Variants in TRA2B observed in about 807,000 individuals in gnomAD.
TRA2B encodes the protein transformer-2 protein homolog beta.
TRA2B carries 14 observed loss-of-function variants against 41.7 expected under a neutral mutation model. That is an observed-to-expected ratio of 0.34 (90% CI 0.22 to 0.53). The LOEUF is 0.53. TRA2B is among the 20% of genes least tolerant of loss of function. TRA2B has a pLI of 0.95. For synonymous variants in TRA2B, 130 were observed against 128.8 expected (o/e 1.01, Z -0.06); for missense variants, 167 against 396.8 (o/e 0.42, Z 4.92).
chr3:185,933,241 T>C (rs1744216680), intron 1 of TRA2B, among the ~76,000 whole-genome samples: 2 of 152,294 alleles, frequency 1.3e-5, no homozygotes, highest in Middle Eastern at 3.4e-3. Context: ...CTGTTTTCAA[T>C]GTGGATACCT....
intron 8 of TRA2B, among the ~76,000 whole-genome samples, chr3:185,917,998 G>T (rs1442623020): frequency 6.6e-6 from 1 of 152,110 alleles, no homozygotes; most frequent in Non-Finnish European, 1.5e-5. Context: ...AATTTTTAAG[G>T]ACTCTTGAAA....
chr3:185,918,699 A>G lies in TRA2B; in HGVS notation c.783-261T>C, dbSNP rs183453662. Among the ~76,000 whole-genome samples, 11 of 152,300 alleles carry G rather than the reference A, an allele frequency of 7.2e-5. No homozygotes were observed. The East Asian group carries it at 2.1e-3, about 29-fold the overall frequency. ...CTTTTTAAATTTTGTGAACTATGTT[A>G]AGAGAGTTTTGTAAAAGAAAATTCC... is the stretch of plus-strand genomic sequence containing the variant. On this transcript the variant is annotated intron_variant, in intron 7 of 8. Coordinates refer to ENST00000453386, the MANE Select transcript of TRA2B (RefSeq NM_004593.3).
intron 4 of TRA2B, 46 bp downstream of exon 4, chr3:185,923,750 T>C: frequency 6.6e-7 from 1 of 1,518,014 alleles, no homozygotes; most frequent in South Asian, 1.4e-5. Flanking sequence ...TAACTTGGCG[T>C]TAACAATAGA....
intron 3 of TRA2B, chr3:185,925,229 T>G (rs1743899718): frequency 2.5e-6 from 1 of 395,944 alleles, no homozygotes; most frequent in Non-Finnish European, 4.5e-6. Context: ...TTTTTTTTTT[T>G]GATGGGCTAA....
chr3:185,926,745 A>G lies in TRA2B; in HGVS notation c.37-11T>C. On this transcript the variant is annotated splice_polypyrimidine_tract_variant and intron_variant, in intron 1 of 8. Coordinates refer to ENST00000453386, the MANE Select transcript of TRA2B (RefSeq NM_004593.3). ...AGCAGAACGGGATTCCTACACGTAG[A>G]TGTTAAAAGTTTAATTTGCACACTT... 6.2e-7 allele frequency: 1 copy of G among 1,613,712 alleles called. No individual in the cohort carries two copies. The highest frequency in any genetic ancestry group is 8.5e-7 in the Non-Finnish European group (1 of 1,179,780).
At chr3:185,924,259 A>C (rs997450463) in intron 3 of TRA2B, 1 of 282,702 alleles carries the variant, frequency 3.5e-6, no homozygotes, top group African/African-American at 2.2e-5. Flanking sequence ...CTTTCCTTCT[A>C]TGAATTTATT....
At chr3:185,932,539 T>G (rs190779080) in intron 1 of TRA2B, among the ~76,000 whole-genome samples, 6 of 152,298 alleles carry the variant, frequency 3.9e-5, no homozygotes, top group Non-Finnish European at 8.8e-5. Flanking sequence ...CAGAACAAAC[T>G]TGAATCCAAC....
chr3:185,934,698 T>G (rs527545531), intron 1 of TRA2B: 3 of 985,310 alleles, frequency 3.0e-6, no homozygotes, highest in Non-Finnish European at 3.6e-6. Context: ...AATTAGAATT[T>G]AGAGTTTAGG....
chr3:185,925,715 G>T, intron 2 of TRA2B, 89 bp from the exon 3 acceptor site: 1 of 1,340,518 alleles, frequency 7.5e-7, no homozygotes, highest in Non-Finnish European at 1.0e-6. Flanking sequence ...CCAAAAGAGG[G>T]AACAATCCAG....
chr3:185,917,807 T>TTC, intron 8 of TRA2B, 82 bp from the exon 9 acceptor site: 1 of 1,478,602 alleles, frequency 6.8e-7, no homozygotes, highest in Non-Finnish European at 9.4e-7. Flanking sequence ...TTTCAGAATA[T>TTC]TCTGCCATTA....
chr3:185,921,106 G>A lies in TRA2B; in HGVS notation c.720C>T (p.Tyr240=). The part of the protein sequence containing the change: ...YDDRDYYSRS[Y]RGGGGGGGGW... Reference sequence around the variant, plus strand: ...GACCTTTCTACCTCATAACTTACCTGTATGATCTGCTATAGTAGTCCCGAT... The same window carrying A: ...GACCTTTCTACCTCATAACTTACCTATATGATCTGCTATAGTAGTCCCGAT... Residue 240 remains tyrosine, a splice_region_variant and synonymous_variant, in exon 6 of 9, where the codon TAC becomes TAT. Transcript: ENST00000453386. The A allele has an allele frequency of 1.2e-6, 2 of 1,613,552 alleles. No individual in the cohort carries two copies. Among genetic ancestry groups the A allele is most frequent in the Non-Finnish European group, 1.7e-6 (2 of 1,179,622 alleles).
chr3:185,935,016 A>T, intron 1 of TRA2B: 5 of 985,470 alleles, frequency 5.1e-6, no homozygotes, highest in Non-Finnish European at 6.0e-6. Context: ...TGAGAGGCTC[A>T]GAACATTACA....
intron 4 of TRA2B, chr3:185,922,822 T>G (rs1743792142): frequency 6.6e-6 from 1 of 152,244 alleles, no homozygotes; most frequent in Non-Finnish European, 1.5e-5. Context: ...TGAGGAAACA[T>G]CCTTTCACCT....
chr3:185,937,512 A>G lies in TRA2B; in HGVS notation c.36+313T>C, dbSNP rs531393255. On this transcript the variant is annotated intron_variant, in intron 1 of 8. Transcript: ENST00000453386. ...CAGGAGAGCAACGCCGAAATAAGAT[A>G]TCGCTCCCCTCCCCCAACACCGCGG... 9.6e-6 allele frequency: 10 copies of G among 1,038,740 alleles called. No individual in the cohort carries two copies. In the South Asian group the frequency reaches 2.9e-4, roughly 30 times the overall value. 64.3% of individuals were successfully genotyped at this position (1,038,740 alleles called of 1,614,324 possible). A position where few individuals can be genotyped will look rare whatever the true frequency, so the allele number is the denominator to read the frequency against.
intron 1 of TRA2B, chr3:185,936,315 T>C (rs1197173333): frequency 4.1e-6 from 4 of 985,284 alleles, no homozygotes; most frequent in Non-Finnish European, 4.8e-6. Context: ...TTAACAACTT[T>C]TGAGCTCAAT....
chr3:185,936,687 T>C (rs1744371389), intron 1 of TRA2B: 1 of 982,780 alleles, frequency 1.0e-6, no homozygotes. Context: ...TTTTTTTTTT[T>C]TAAAAAAGCA....
At chr3:185,926,532 T>C (rs1296049284) in intron 2 of TRA2B, 69 bp downstream of exon 2, 1 of 1,592,388 alleles carries the variant, frequency 6.3e-7, no homozygotes, top group Non-Finnish European at 8.6e-7. Context: ...TCTACCTTCC[T>C]GGTTTACAAA....
At chr3:185,929,993 G>T (rs532925908) in intron 1 of TRA2B, among the ~76,000 whole-genome samples, 1 of 152,112 alleles carries the variant, frequency 6.6e-6, no homozygotes. Context: ...ACAGAAGCCG[G>T]CCTCCTCCTC....
intron 8 of TRA2B, among the ~76,000 whole-genome samples, chr3:185,918,017 A>T (rs1743568784): frequency 6.6e-6 from 1 of 152,040 alleles, no homozygotes; most frequent in African/African-American, 2.4e-5. Flanking sequence ...AAAGCTACTA[A>T]ATGGTGGAAA....
Sources: gnomAD v4.1 joint callset for allele counts (sites outside exome capture counted in the v4.1 genomes callset) on GRCh38, gnomAD v4.1.1 for gene constraint, MANE v1.5 for transcripts, NCBI Gene and HGNC (gene_info 2026-07-23, HGNC 2026-07-21) for gene names.